PKP2: variants seen among roughly 807,000 people sequenced by gnomAD.
The protein encoded by PKP2 is plakophilin 2.
PKP2 carries 73 observed loss-of-function variants against 83.4 expected under a neutral mutation model. The ratio of observed to expected loss-of-function variants is 0.88; its 90% CI spans 0.72 to 1.06. The LOEUF (loss-of-function observed/expected upper bound fraction) is 1.06, where lower values mean the gene tolerates loss of function less well. PKP2 is among the 50% of genes least tolerant of loss of function. The pLI is 0.00. For synonymous variants in PKP2, 409 were observed against 430.4 expected, an observed-to-expected ratio of 0.95 and a Z score of 0.62; for missense variants, 966 against 1,065.4, an observed-to-expected ratio of 0.91 and a Z score of 1.30.
chr12:32,862,898 T>C (rs772357764), intron 4 of PKP2, among the ~76,000 whole-genome samples: 2 of 150,054 alleles, frequency 1.3e-5, no homozygotes, highest in East Asian at 2.0e-4. Context: ...ATTCGGGAGG[T>C]TGAGTCAGGA....
intron 1 of PKP2, among the ~76,000 whole-genome samples, chr12:32,885,931 G>A (rs371201882): frequency 1.2e-4 from 19 of 152,230 alleles, no homozygotes; most frequent in African/African-American, 3.4e-4. Flanking sequence ...TCAGAAAAGC[G>A]TCTTTTCTTT....
chr12:32,809,777 C>T (rs535053772), intron 9 of PKP2, among the ~76,000 whole-genome samples: 33 of 152,198 alleles, frequency 2.2e-4, no homozygotes, highest in Non-Finnish European at 2.5e-4. Context: ...TGGTCCTGGG[C>T]GGGTCGCACA....
chr12:32,810,383 T>A (rs1956266316), intron 9 of PKP2, among the ~76,000 whole-genome samples: 1 of 152,108 alleles, frequency 6.6e-6, no homozygotes, highest in African/African-American at 2.4e-5. Flanking sequence ...TTGACATATA[T>A]AATCCTTCAA....
intron 3 of PKP2, among the ~76,000 whole-genome samples, chr12:32,869,900 G>A (rs1956882430): frequency 6.6e-6 from 1 of 152,024 alleles, no homozygotes; most frequent in South Asian, 2.1e-4. Flanking sequence ...GTGGTGGCAT[G>A]TGCCTGTAGA....
intron 9 of PKP2, among the ~76,000 whole-genome samples, chr12:32,809,623 G>C (rs183504732): frequency 6.6e-6 from 1 of 152,342 alleles, no homozygotes; most frequent in Non-Finnish European, 1.5e-5. Context: ...AAATTCCGGG[G>C]CCGGAGTATG....
At chr12:32,810,639 T>C (rs947064478) in intron 9 of PKP2, among the ~76,000 whole-genome samples, 29 of 152,194 alleles carry the variant, frequency 1.9e-4, no homozygotes, top group African/African-American at 6.8e-4. Flanking sequence ...GCTAAATTGA[T>C]GAAGTCACAT....
rs142362933 is a variant in PKP2 at position 32,796,111 on chromosome 12, A to G, written c.2355T>C (p.Asp785=). ...ACGGGCAGAACTGAAGGACTTACGC[A>G]TCGCCTGCACTAATGGCCATAATTT... The part of the protein sequence containing the change: ...IQKIMAISAG[D]AYASNKASKA... Residue 785 remains aspartate (D), a splice_region_variant and synonymous_variant, in exon 11 of 13, where the codon GAT becomes GAC. Transcript: ENST00000340811. The G allele has an allele frequency of 1.0e-4, 169 of 1,613,662 alleles. No individual in the cohort carries two copies. In the Middle Eastern group the frequency reaches 1.2e-3, roughly 11 times the overall value.
At chr12:32,792,776 C>A in intron 11 of PKP2, 45 bp from the exon 12 acceptor site, 1 of 1,464,714 alleles carries the variant, frequency 6.8e-7, no homozygotes, top group Non-Finnish European at 9.6e-7. Context: ...ATGAGTGAGG[C>A]TTCTGGATGC....
intron 3 of PKP2, among the ~76,000 whole-genome samples, chr12:32,873,193 A>G (rs1012936362): frequency 6.6e-6 from 1 of 151,994 alleles, no homozygotes; most frequent in Non-Finnish European, 1.5e-5. Flanking sequence ...TGGACCTCCC[A>G]GGCTCAAGTG....
At chr12:32,828,674 A>G (rs1165303668) in intron 6 of PKP2, among the ~76,000 whole-genome samples, 1 of 152,178 alleles carries the variant, frequency 6.6e-6, no homozygotes, top group Non-Finnish European at 1.5e-5. Context: ...GTCTGTGGCT[A>G]TGTGCAGGGG....
chr12:32,887,754 T>G (rs921573487), intron 1 of PKP2, among the ~76,000 whole-genome samples: 19 of 152,226 alleles, frequency 1.2e-4, no homozygotes, highest in African/African-American at 4.6e-4. Context: ...ATGGCCCTTT[T>G]ATATCACAGG....
chr12:32,824,382 G>T, intron 6 of PKP2: 1 of 546,156 alleles, frequency 1.8e-6, no homozygotes, highest in Non-Finnish European at 3.3e-6. Flanking sequence ...TGTGTCATAA[G>T]TCTTCTACTT....
chr12:32,881,259 T>C (rs1956983738), intron 1 of PKP2, among the ~76,000 whole-genome samples: 2 of 152,174 alleles, frequency 1.3e-5, no homozygotes, highest in African/African-American at 4.8e-5. Context: ...GGCAGGCTTG[T>C]AACTGTCACC....
At position 32,797,069 on chromosome 12, in the gene PKP2, A is replaced by G. The variant is rs11834286; in HGVS notation, c.2168-771T>C. Among the ~76,000 whole-genome samples the G allele has an allele frequency of 5.3e-3, 811 of 152,258 alleles. 5 individuals are homozygous for G. The highest frequency in any genetic ancestry group is 0.018 in the African/African-American group (754 of 41,562). ...CTATTATTCATCACAAAACCTATCT[A>G]TGAAGCATGTATAATAAAAAGAAAA... On this transcript the variant is annotated intron_variant, in intron 10 of 12. Coordinates refer to ENST00000340811, the MANE Select transcript of PKP2 (RefSeq NM_001005242.3).
At chr12:32,857,442 G>C (rs1284538835) in intron 4 of PKP2, among the ~76,000 whole-genome samples, 1 of 151,164 alleles carries the variant, frequency 6.6e-6, no homozygotes, top group African/African-American at 2.4e-5. Flanking sequence ...AAAGAAAAAA[G>C]AGAGAGAGAG....
At chr12:32,842,506 G>T (rs1267107376) in intron 5 of PKP2, among the ~76,000 whole-genome samples, 2 of 151,992 alleles carry the variant, frequency 1.3e-5, no homozygotes, top group Non-Finnish European at 2.9e-5. Context: ...CTCCCAAAGT[G>T]CTGGGATTAC....
chr12:32,880,357 G>A (rs113478510), intron 1 of PKP2, among the ~76,000 whole-genome samples: 3,335 of 152,016 alleles, frequency 0.022, 101 homozygotes, highest in African/African-American at 0.076. Context: ...CCGAGATAGC[G>A]CCACTGCACT....
chr12:32,868,201 T>C (rs545748117), intron 4 of PKP2, among the ~76,000 whole-genome samples: 1 of 152,256 alleles, frequency 6.6e-6, no homozygotes, highest in African/African-American at 2.4e-5. Flanking sequence ...GTAAAAGACC[T>C]CAATTAAGTT....
At chr12:32,842,531 G>T (rs2137835177) in intron 5 of PKP2, among the ~76,000 whole-genome samples, 1 of 151,964 alleles carries the variant, frequency 6.6e-6, no homozygotes, top group South Asian at 2.1e-4. Flanking sequence ...ATGAGCCATT[G>T]CCTGGCCCGC....
Sources: gnomAD v4.1 joint callset for allele counts (sites outside exome capture counted in the v4.1 genomes callset) on GRCh38, gnomAD v4.1.1 for gene constraint, MANE v1.5 for transcripts, NCBI Gene and HGNC (gene_info 2026-07-23, HGNC 2026-07-21) for gene names.